The following ZNF26 variants were observed in gnomAD, a reference collection of about 807,000 sequenced individuals.
ZNF26 encodes zinc finger protein 26.
In ZNF26, 32 loss-of-function variants were observed where a neutral mutation model predicts 54.9. The ratio of observed to expected loss-of-function variants is 0.58; its 90% CI spans 0.44 to 0.78. ZNF26 has a LOEUF of 0.78. Among genes scored for constraint, ZNF26 ranks in the 30% least tolerant of loss-of-function variants. The pLI is 0.00. For synonymous variants in ZNF26, 221 were observed against 209.2 expected (o/e 1.06, Z -0.49); for missense variants, 524 against 634.0 (o/e 0.83, Z 1.86).
Position 133,023,609 on chromosome 12 carries a change from A to G in ZNF26, c.*12128A>G, listed in dbSNP as rs1409210869. The G allele has an allele frequency of 6.7e-6, 1 of 150,096 alleles. No individual in the cohort carries two copies. The highest frequency in any genetic ancestry group is 2.2e-4 in the South Asian group (1 of 4,640). 9.3% of individuals were successfully genotyped at this position (150,096 alleles called of 1,614,324 possible). A position where few individuals can be genotyped will look rare whatever the true frequency, so the allele number is the denominator to read the frequency against. On this transcript the variant is annotated 3_prime_UTR_variant, in exon 4 of 4. Transcript: ENST00000328654. ...ATTACAATAATCAACCATGTTTTAC[A>G]TATGTGGCAGATTTTATTTTCTGAA...
At position 133,024,027 on chromosome 12, in the gene ZNF26, C is replaced by T. The variant is rs2137287821; in HGVS notation, c.*12546C>T. The T allele has an allele frequency of 6.6e-6, 1 of 152,346 alleles. No homozygotes were observed. Among genetic ancestry groups the T allele is most frequent in the East Asian group, 1.9e-4 (1 of 5,186 alleles). The allele number at this position is 152,346 out of a possible 1,614,324, so 9.4% of individuals were successfully genotyped here. ...CCAGAACGGCTCAGTCAGACCTCTC[C>T]TGAATCCCTGACAAACAGGAACCAT... On this transcript the variant is annotated 3_prime_UTR_variant, in exon 4 of 4. Transcript: ENST00000328654.
At chr12:133,000,673 C>T (rs1431219562) in intron 1 of ZNF26, among the ~76,000 whole-genome samples, 1 of 152,076 alleles carries the variant, frequency 6.6e-6, no homozygotes, top group African/African-American at 2.4e-5. Flanking sequence ...ATCCGCCCAC[C>T]TTGGCCTCCC....
chr12:133,010,218 A>G lies in ZNF26; in HGVS notation c.339A>G (p.Arg113=), dbSNP rs1953438254. 2 of 1,613,972 alleles carry G rather than the reference A, an allele frequency of 1.2e-6. No individual in the cohort carries two copies. The highest frequency in any genetic ancestry group is 4.5e-5 in the East Asian group (2 of 44,868). The change falls in exon 4 of 4, where the codon AGA becomes AGG. Residue 113 remains arginine, a synonymous_variant. Transcript: ENST00000328654. Reference sequence around the variant, plus strand: ...GCTATGCTTGTAGTGTGTTGGGAAGACTTAATCTGAGCAAAACCCATGATT... The same window carrying G: ...GCTATGCTTGTAGTGTGTTGGGAAGGCTTAATCTGAGCAAAACCCATGATT... ...ERSYACSVLG[R]LNLSKTHDSS...
Position 133,017,101 on chromosome 12 carries a change from G to A in ZNF26, c.*5620G>A, listed in dbSNP as rs1016107409. On this transcript the variant is annotated 3_prime_UTR_variant, in exon 4 of 4. Coordinates refer to ENST00000328654, the MANE Select transcript of ZNF26 (RefSeq NM_019591.4). ...CATAAAAAAATAAAAAGTCATGCTC[G>A]GCCAAATCTAAACAGACTTAAAAAT... 6.6e-6 allele frequency: 1 copy of A among 151,986 alleles called. No individual in the cohort carries two copies. The highest frequency in any genetic ancestry group is 2.4e-5 in the African/African-American group (1 of 41,354). 9.4% of individuals were successfully genotyped at this position (151,986 alleles called of 1,614,324 possible).
Position 133,025,402 on chromosome 12 carries a change from G to A in ZNF26, c.*13921G>A, listed in dbSNP as rs1953690735. The A allele has an allele frequency of 6.6e-6, 1 of 152,164 alleles. No individual in the cohort carries two copies. Among genetic ancestry groups the A allele is most frequent in the Non-Finnish European group, 1.5e-5 (1 of 68,048 alleles). The allele number at this position is 152,164 out of a possible 1,614,324, so 9.4% of individuals were successfully genotyped here. ...ACGATGAGATCCTGGTCTTCAATCT[G>A]ATATTATAACGGGATGAGACATTGG... On this transcript the variant is annotated 3_prime_UTR_variant, in exon 4 of 4. Transcript: ENST00000328654.
Position 133,011,649 on chromosome 12 carries a change from A to C in ZNF26, c.*168A>C. ...TAAAAGCTTTCAGAAATAAGTTACA[A>C]ATCTTTGTAGATGAAAATAATGGAA... is the stretch of plus-strand genomic sequence containing the variant. On this transcript the variant is annotated 3_prime_UTR_variant, in exon 4 of 4. Transcript: ENST00000328654. 1 of 533,582 alleles carries C rather than the reference A, an allele frequency of 1.9e-6. No homozygotes were observed. The highest frequency in any genetic ancestry group is 4.8e-5 in the South Asian group (1 of 20,768). 33.1% of individuals were successfully genotyped at this position (533,582 alleles called of 1,614,324 possible). A position where few individuals can be genotyped will look rare whatever the true frequency, so the allele number is the denominator to read the frequency against.
rs796111535 is a variant in ZNF26 at position 133,024,349 on chromosome 12, CT to C, written c.*12874del. ...TTATTGAAACATGGAGAAAATGAGA[CT>C]TTTTTATGTAGTGACAGGTGTATCA... On this transcript the variant is annotated 3_prime_UTR_variant, in exon 4 of 4. Coordinates refer to ENST00000328654, the MANE Select transcript of ZNF26 (RefSeq NM_019591.4). The C allele has an allele frequency of 6.6e-6, 1 of 152,134 alleles. No individual in the cohort carries two copies. Among genetic ancestry groups the C allele is most frequent in the African/African-American group, 2.4e-5 (1 of 41,414 alleles). 9.4% of individuals were successfully genotyped at this position (152,134 alleles called of 1,614,324 possible).
intron 1 of ZNF26, among the ~76,000 whole-genome samples, chr12:133,003,281 A>C (rs1593657218): frequency 7.4e-6 from 1 of 134,444 alleles, no homozygotes; most frequent in Non-Finnish European, 1.6e-5. Context: ...TTTGAGATGG[A>C]GTCTCGCTCT....
Position 133,012,623 on chromosome 12 carries a change from A to G in ZNF26, c.*1142A>G, listed in dbSNP as rs1953507429. 1.4e-5 allele frequency: 1 copy of G among 72,642 alleles called. No homozygotes were observed. The highest frequency in any genetic ancestry group is 5.3e-5 in the African/African-American group (1 of 18,704). 4.5% of individuals were successfully genotyped at this position (72,642 alleles called of 1,614,324 possible). A position where few individuals can be genotyped will look rare whatever the true frequency, so the allele number is the denominator to read the frequency against. On this transcript the variant is annotated 3_prime_UTR_variant, in exon 4 of 4. Transcript: ENST00000328654. ...TTTTTTTTTTTTGAGACTAAGTTTC[A>G]CTCTTGTCCTCCAGGCTGGAATGCA...
In ZNF26 at chr12:133,011,392, A is replaced by C; in HGVS notation, c.1513A>C (p.Thr505Pro). The C allele has an allele frequency of 6.2e-7, 1 of 1,609,356 alleles. No homozygotes were observed. Among genetic ancestry groups the C allele is most frequent in the Non-Finnish European group, 8.5e-7 (1 of 1,178,170 alleles). The change falls in exon 4 of 4, where the codon ACC becomes CCC. Residue 505 changes from threonine (T) to proline (P), a missense_variant. Thr to Pro is a conservative substitution (Grantham distance 38). Transcript: ENST00000328654. ...SSLSEHQRVH[T>P]GEKPWKCSEC... ...TCTCAGTGAACATCAGAGAGTTCAC[A>C]CCGGAGAGAAACCATGGAAATGCTC...
rs1449278884 is a variant in ZNF26, at chr12:133,023,388, G to A, written c.*11907G>A. On this transcript the variant is annotated 3_prime_UTR_variant, in exon 4 of 4. Coordinates refer to ENST00000328654, the MANE Select transcript of ZNF26 (RefSeq NM_019591.4). ...GGACTTGATTATCATTATGTAAGCA[G>A]TATTAGAGAATTTTTAAAATATAGA... is the stretch of plus-strand genomic sequence containing the variant. The A allele has an allele frequency of 1.3e-5, 2 of 152,152 alleles. No homozygotes were observed. The highest frequency in any genetic ancestry group is 2.9e-5 in the Non-Finnish European group (2 of 68,024). The allele number at this position is 152,152 out of a possible 1,614,324, so 9.4% of individuals were successfully genotyped here.
At chr12:132,995,788 A>T (rs1953068854) in intron 1 of ZNF26, among the ~76,000 whole-genome samples, 1 of 152,088 alleles carries the variant, frequency 6.6e-6, no homozygotes. Context: ...AGTAGCTGGG[A>T]TTACAGTTGC....
chr12:132,990,315 C>T (rs1302973228), intron 1 of ZNF26, among the ~76,000 whole-genome samples: 2 of 152,144 alleles, frequency 1.3e-5, no homozygotes, highest in African/African-American at 4.8e-5. Context: ...TTTTCTGCAT[C>T]TATCTATGCT....
Position 133,011,585 on chromosome 12 carries a change from A to G in ZNF26, c.*104A>G, listed in dbSNP as rs1953474438. On this transcript the variant is annotated 3_prime_UTR_variant, in exon 4 of 4. Transcript: ENST00000328654. The stretch of plus-strand genomic sequence containing the variant: ...CCCTAAAATTACACTCATGTCAAAA[A>G]TCAGAGAGGAGAGAGACCAACCATA... 2 of 1,237,982 alleles carry G rather than the reference A, an allele frequency of 1.6e-6. No individual in the cohort carries two copies. Among genetic ancestry groups the G allele is most frequent in the African/African-American group, 3.0e-5 (2 of 66,206 alleles). The allele number at this position is 1,237,982 out of a possible 1,614,324, so 76.7% of individuals were successfully genotyped here.
In ZNF26 at chr12:132,986,639, A is replaced by G; in HGVS notation, c.-202A>G. 1 of 600,420 alleles carries G rather than the reference A, an allele frequency of 1.7e-6. No individual in the cohort carries two copies. 37.2% of individuals were successfully genotyped at this position (600,420 alleles called of 1,614,324 possible). A position where few individuals can be genotyped will look rare whatever the true frequency, so the allele number is the denominator to read the frequency against. On this transcript the variant is annotated 5_prime_UTR_variant, in exon 1 of 4. Coordinates refer to ENST00000328654, the MANE Select transcript of ZNF26 (RefSeq NM_019591.4). ...CATCCGTGCGACTCCTGGTACCCAG[A>G]CCGGGAGGTTGTCTAGTCACGCGCG...
Position 133,022,403 on chromosome 12 carries a change from G to A in ZNF26, c.*10922G>A, listed in dbSNP as rs1953655839. 6.6e-6 allele frequency: 1 copy of A among 152,158 alleles called. No homozygotes were observed. The highest frequency in any genetic ancestry group is 2.4e-5 in the African/African-American group (1 of 41,430). The allele number at this position is 152,158 out of a possible 1,614,324, so 9.4% of individuals were successfully genotyped here. A position where few individuals can be genotyped will look rare whatever the true frequency, so the allele number is the denominator to read the frequency against. On this transcript the variant is annotated 3_prime_UTR_variant, in exon 4 of 4. Coordinates refer to ENST00000328654, the MANE Select transcript of ZNF26 (RefSeq NM_019591.4). ...ATACAAATCTTATGGTGTTGGAACT[G>A]TTCAGCATCTTGAAGGTGGTTGTTG...
intron 3 of ZNF26, among the ~76,000 whole-genome samples, chr12:133,008,233 T>C (rs1953377683): frequency 6.6e-6 from 1 of 152,124 alleles, no homozygotes; most frequent in Admixed American, 6.6e-5. Flanking sequence ...GAAATGGGGA[T>C]TTCCTTCTAA....
At chr12:132,995,655 G>C (rs1409487988) in intron 1 of ZNF26, among the ~76,000 whole-genome samples, 11 of 151,938 alleles carry the variant, frequency 7.2e-5, no homozygotes, top group African/African-American at 2.7e-4. Flanking sequence ...GAAGTTTACT[G>C]TTGTGGTTTT....
chr12:132,987,834 G>A, intron 1 of ZNF26: 1 of 656,994 alleles, frequency 1.5e-6, no homozygotes, highest in Non-Finnish European at 1.9e-6. Context: ...CTAAAGAAAC[G>A]AGAGAAAGTT....
Sources: allele counts gnomAD v4.1 joint callset (sites outside exome capture counted in the v4.1 genomes callset), GRCh38; gene constraint gnomAD v4.1.1; transcripts MANE v1.5; gene names NCBI Gene and HGNC (gene_info 2026-07-23, HGNC 2026-07-21).